RNF149: variants seen among roughly 807,000 people sequenced by gnomAD.
RNF149 encodes E3 ubiquitin-protein ligase RNF149.
A neutral mutation model predicts 39.0 loss-of-function variants in RNF149; 21 were observed. That is an observed-to-expected ratio of 0.54 (90% confidence interval 0.38 to 0.77). RNF149 has a LOEUF of 0.77. Among genes scored for constraint, RNF149 ranks in the 30% least tolerant of loss-of-function variants. The probability of loss-of-function intolerance (pLI) is 0.00; values close to 1 mark genes in which losing one functional copy is unlikely to be tolerated. For synonymous variants in RNF149, 209 were observed against 213.6 expected (o/e 0.98, Z 0.19); for missense variants, 493 against 534.9 (o/e 0.92, Z 0.77).
chr2:101,275,795 G>T lies in RNF149; in HGVS notation c.*1443C>A. 1.0e-6 allele frequency: 1 copy of T among 978,176 alleles called. No homozygotes were observed. The highest frequency in any genetic ancestry group is 1.1e-4 in the East Asian group (1 of 8,786). 60.6% of individuals were successfully genotyped at this position (978,176 alleles called of 1,614,324 possible). On this transcript the variant is annotated 3_prime_UTR_variant, in exon 7 of 7. Transcript: ENST00000295317. ...AACAATCTACTTGCTACAGAATCAGGATGTATTTTCCTATTTATAATAAAC... is the reference window on the plus strand; with the variant it reads ...AACAATCTACTTGCTACAGAATCAGTATGTATTTTCCTATTTATAATAAAC...
rs145758745 is a variant in RNF149, at chr2:101,276,723, G to T, written c.*515C>A. ...TTTTGAAATCTTCACATACACTACA[G>T]ATGGGCAAAAAAGCTACAGACATCT... On this transcript the variant is annotated 3_prime_UTR_variant, in exon 7 of 7. Transcript: ENST00000295317. 1 of 988,124 alleles carries T rather than the reference G, an allele frequency of 1.0e-6. No homozygotes were observed. The highest frequency in any genetic ancestry group is 1.7e-5 in the African/African-American group (1 of 57,206). 61.2% of individuals were successfully genotyped at this position (988,124 alleles called of 1,614,324 possible). A position where few individuals can be genotyped will look rare whatever the true frequency, so the allele number is the denominator to read the frequency against.
chr2:101,299,833 T>C (rs1439203683), intron 1 of RNF149, among the ~76,000 whole-genome samples: 1 of 151,952 alleles, frequency 6.6e-6, no homozygotes, highest in Non-Finnish European at 1.5e-5. Flanking sequence ...TCCCAGGGAG[T>C]TGCTCAATGT....
At chr2:101,304,835 A>ATTTTTTTT (rs11340908) in intron 1 of RNF149, among the ~76,000 whole-genome samples, 1 of 89,750 alleles carries the variant, frequency 1.1e-5, no homozygotes, top group Non-Finnish European at 2.2e-5. Flanking sequence ...GACTACTAGT[A>ATTTTTTTT]TTTTTTTTTT....
chr2:101,276,962 T>G lies in RNF149; in HGVS notation c.*276A>C. 1 of 1,161,364 alleles carries G rather than the reference T, an allele frequency of 8.6e-7. No individual in the cohort carries two copies. The highest frequency in any genetic ancestry group is 5.2e-5 in the East Asian group (1 of 19,168). The allele number at this position is 1,161,364 out of a possible 1,614,324, so 71.9% of individuals were successfully genotyped here. ...ATTTAGAAACACCACCTGTCCTTTA[T>G]ATTAGAGTACCTGCCCCAGTTGTCT... On this transcript the variant is annotated 3_prime_UTR_variant, in exon 7 of 7. Transcript: ENST00000295317.
At chr2:101,285,714 A>C (rs1682768383) in intron 5 of RNF149, among the ~76,000 whole-genome samples, 1 of 152,206 alleles carries the variant, frequency 6.6e-6, no homozygotes, top group African/African-American at 2.4e-5. Flanking sequence ...TTCACATGTA[A>C]AATGAGCATA....
intron 3 of RNF149, among the ~76,000 whole-genome samples, chr2:101,291,261 C>T (rs1352302417): frequency 6.6e-6 from 1 of 152,138 alleles, no homozygotes; most frequent in East Asian, 1.9e-4. Context: ...AGTGAATCTC[C>T]TGCCTCAGCC....
chr2:101,293,579 T>TC (rs1683100514), intron 3 of RNF149, among the ~76,000 whole-genome samples: 1 of 152,142 alleles, frequency 6.6e-6, no homozygotes, highest in African/African-American at 2.4e-5. Flanking sequence ...AAACATCTTT[T>TC]CCCCCCTCCA....
At chr2:101,293,347 A>C (rs1427254232) in intron 3 of RNF149, among the ~76,000 whole-genome samples, 1 of 152,182 alleles carries the variant, frequency 6.6e-6, no homozygotes, top group African/African-American at 2.4e-5. Flanking sequence ...AAGTCAACAT[A>C]ATTATCAACA....
downstream of RNF149, chr2:101,271,620 TGA>T (rs1682132543): frequency 7.5e-6 from 1 of 133,926 alleles, no homozygotes; most frequent in African/African-American, 2.7e-5. Flanking sequence ...AAAAAAAAAT[TGA>T]GAGTCAATAA....
At chr2:101,273,450 A>G, downstream of RNF149, 3 of 420,996 alleles carry the variant, frequency 7.1e-6, no homozygotes, top group Middle Eastern at 7.9e-4. Flanking sequence ...TAAAACTTTC[A>G]GCAAAAACTC....
chr2:101,275,480 C>T (rs1361527259), downstream of RNF149, among the ~76,000 whole-genome samples: 7 of 98,414 alleles, frequency 7.1e-5, no homozygotes, highest in South Asian at 7.4e-4. Flanking sequence ...CTCGCTCTGT[C>T]GCCCAGGCTG....
At chr2:101,285,350 T>C (rs1461899490) in intron 5 of RNF149, among the ~76,000 whole-genome samples, 1 of 152,204 alleles carries the variant, frequency 6.6e-6, no homozygotes, top group African/African-American at 2.4e-5. Flanking sequence ...GCTTGGACCC[T>C]GGAATTAGGC....
downstream of RNF149, among the ~76,000 whole-genome samples, chr2:101,275,113 T>G (rs1351897193): frequency 2.4e-3 from 276 of 117,000 alleles, 1 homozygote; most frequent in African/African-American, 8.0e-3. Context: ...GTATTTCTGT[T>G]TTTTTTTTTT....
At chr2:101,292,878 G>C (rs977072001) in intron 3 of RNF149, among the ~76,000 whole-genome samples, 3 of 151,256 alleles carry the variant, frequency 2.0e-5, no homozygotes, top group African/African-American at 2.5e-5. Flanking sequence ...AATGTGTGCA[G>C]AGTTTGTCAC....
At chr2:101,281,521 G>T (rs554401379) in intron 6 of RNF149, 22 of 183,312 alleles carry the variant, frequency 1.2e-4, no homozygotes, top group Non-Finnish European at 9.8e-5. Context: ...TAAGAGACAG[G>T]GTCTTGCTCT....
chr2:101,298,184 A>G (rs1473071483), intron 1 of RNF149, among the ~76,000 whole-genome samples: 1 of 152,190 alleles, frequency 6.6e-6, no homozygotes, highest in Admixed American at 6.5e-5. Context: ...TAATCCCAAC[A>G]CTTTGGGGGG....
chr2:101,307,712 T>C (rs906615302), intron 1 of RNF149: 2 of 484,770 alleles, frequency 4.1e-6, no homozygotes, highest in Non-Finnish European at 5.4e-6. Flanking sequence ...CATCACTTTA[T>C]GTTGGTGAAG....
chr2:101,286,232 T>C, intron 4 of RNF149, 55 bp from the exon 5 acceptor site: 3 of 1,049,630 alleles, frequency 2.9e-6, no homozygotes, highest in Non-Finnish European at 1.5e-6. Flanking sequence ...ATATAACTTA[T>C]AAAGGAAATA....
chr2:101,282,257 A>G (rs1682622883), intron 5 of RNF149, among the ~76,000 whole-genome samples, 200 bp from the exon 6 acceptor site: 1 of 151,582 alleles, frequency 6.6e-6, no homozygotes, highest in Non-Finnish European at 1.5e-5. Flanking sequence ...TAAGGCCAAC[A>G]TGTTTTTTAT....
Sources: allele counts gnomAD v4.1 joint callset (sites outside exome capture counted in the v4.1 genomes callset), GRCh38; gene constraint gnomAD v4.1.1; transcripts MANE v1.5; gene names NCBI Gene and HGNC (gene_info 2026-07-23, HGNC 2026-07-21).